Variants in NR2E1 observed in about 807,000 individuals in gnomAD.
The protein encoded by NR2E1 is nuclear receptor subfamily 2 group E member 1.
A neutral mutation model predicts 43.6 loss-of-function variants in NR2E1; 5 were observed. The observed-to-expected ratio is 0.11, with a 90% CI of 0.06 to 0.24. The LOEUF is 0.24. Ranked by LOEUF, NR2E1 falls within the 10% of genes least tolerant of loss-of-function variation. The pLI, the probability that NR2E1 is intolerant of heterozygous loss-of-function variation, is 1.00. For synonymous variants in NR2E1, 191 were observed against 195.5 expected, an observed-to-expected ratio of 0.98 and a Z score of 0.19; for missense variants, 287 against 496.7, an observed-to-expected ratio of 0.58 and a Z score of 4.01.
rs1415195554 is a variant in NR2E1 at position 108,166,925 on chromosome 6, G to A, written c.25+135G>A. The stretch of plus-strand genomic sequence containing the variant: ...GGGATTCCAGCGGGCGTGTGCGTTC[G>A]GCCCAGACCTGTAGACCGTGAGTTG... On this transcript the variant is annotated intron_variant, in intron 1 of 8. Coordinates refer to ENST00000368986, the MANE Select transcript of NR2E1 (RefSeq NM_003269.5). The surrounding 1 kb of genome is among the most constrained non-coding windows in gnomAD (Gnocchi z 7.2). The A allele has an allele frequency of 9.5e-6, 9 of 945,468 alleles. No individual in the cohort carries two copies. In the Admixed American group the frequency reaches 1.8e-4, roughly 19 times the overall value. 58.6% of individuals were successfully genotyped at this position (945,468 alleles called of 1,614,324 possible).
intron 4 of NR2E1, among the ~76,000 whole-genome samples, chr6:108,177,052 G>T (rs1291046033): frequency 6.6e-6 from 1 of 152,196 alleles, no homozygotes; most frequent in Non-Finnish European, 1.5e-5. Flanking sequence ...ACACCCACTG[G>T]TAATGGGTGG....
intron 3 of NR2E1, among the ~76,000 whole-genome samples, chr6:108,175,279 G>A (rs1413589904): frequency 6.6e-6 from 1 of 152,242 alleles, no homozygotes; most frequent in Non-Finnish European, 1.5e-5. Context: ...AAGCCTGCTA[G>A]CCTGCCCCAG....
chr6:108,174,811 G>T, intron 2 of NR2E1, 25 bp from the exon 3 acceptor site: 1 of 1,607,156 alleles, frequency 6.2e-7, no homozygotes, highest in Middle Eastern at 1.7e-4. Flanking sequence ...CCTGGGGACC[G>T]CTGACCTCCT....
chr6:108,181,584 A>C lies in NR2E1; in HGVS notation c.928A>C (p.Asn310His). 6.2e-7 allele frequency: 1 copy of C among 1,614,186 alleles called. No individual in the cohort carries two copies. Among genetic ancestry groups the C allele is most frequent in the Non-Finnish European group, 8.5e-7 (1 of 1,180,024 alleles). ...HSGSELRSFR[N>H]AAAIAALQDE... ...TGGTTCTGAACTGAGAAGTTTCCGG[A>C]ATGCTGCCGCCATTGCAGCCCTTCA... The change falls in exon 8 of 9, where the codon AAT becomes CAT. Residue 310 changes from asparagine (N) to histidine (H), a missense_variant. By Grantham distance (68) the Asn-to-His change is moderately conservative (BLOSUM62 1). Coordinates refer to ENST00000368986, the MANE Select transcript of NR2E1 (RefSeq NM_003269.5).
chr6:108,176,348 T>C (rs1773896563), intron 3 of NR2E1, 155 bp from the exon 4 acceptor site: 5 of 660,884 alleles, frequency 7.6e-6, no homozygotes, highest in South Asian at 1.8e-5. Flanking sequence ...CAGAATCCCT[T>C]CCTCCCTCAG....
At chr6:108,183,148 C>T (rs1449171126) in intron 8 of NR2E1, among the ~76,000 whole-genome samples, 1 of 152,148 alleles carries the variant, frequency 6.6e-6, no homozygotes, top group African/African-American at 2.4e-5. Flanking sequence ...TAGGAACTCT[C>T]AGAGACTGGG....
At chr6:108,175,431 C>T (rs1230564072) in intron 3 of NR2E1, among the ~76,000 whole-genome samples, 1 of 152,248 alleles carries the variant, frequency 6.6e-6, no homozygotes, top group African/African-American at 2.4e-5. Context: ...AAAATCAGTA[C>T]GGCCATTGGG....
Position 108,176,675 on chromosome 6 carries a change from G to A in NR2E1, c.432G>A (p.Leu144=). ...AGCTGGAGCCGCACGGCCTGGAGCT[G>A]GCCGCGGTGTCCACCACTCCAGAGC... is the stretch of plus-strand genomic sequence containing the variant. ...VTQLEPHGLE[L]AAVSTTPERQ... The change falls in exon 4 of 9, where the codon CTG becomes CTA. Residue 144 remains leucine (L), a synonymous_variant. Coordinates refer to ENST00000368986, the MANE Select transcript of NR2E1 (RefSeq NM_003269.5). The A allele has an allele frequency of 6.2e-7, 1 of 1,601,292 alleles. No individual in the cohort carries two copies.
In NR2E1 at chr6:108,169,818, G is replaced by T. The variant is rs534784332; in HGVS notation, c.26-1640G>T. ...CGAGCCGGTGGCCGCCGCGCCGCGC[G>T]CCTCCCCTGCCCGCCTTTGTCGCCG... On this transcript the variant is annotated intron_variant, in intron 1 of 8. Coordinates refer to ENST00000368986, the MANE Select transcript of NR2E1 (RefSeq NM_003269.5). The surrounding 1 kb of genome is among the most constrained non-coding windows in gnomAD (Gnocchi z 6.1). Among the ~76,000 whole-genome samples, 9 of 151,724 alleles carry T rather than the reference G, an allele frequency of 5.9e-5. No individual in the cohort carries two copies. The South Asian group carries it at 1.9e-3, about 32-fold the overall frequency.
chr6:108,170,349 T>G (rs1276598704), intron 1 of NR2E1, among the ~76,000 whole-genome samples: 1 of 152,208 alleles, frequency 6.6e-6, no homozygotes, highest in Non-Finnish European at 1.5e-5. Flanking sequence ...GTTAACAGTT[T>G]AATACTCCCT....
chr6:108,187,473 A>T lies in NR2E1; in HGVS notation c.*10A>T. On this transcript the variant is annotated 3_prime_UTR_variant, in exon 9 of 9. Transcript: ENST00000368986. Reference sequence around the variant, plus strand: ...ATCCAGTGATATCTAAGCTCACAAGATACCCACTTTTCAGGATGGGACAGT... The same window carrying T: ...ATCCAGTGATATCTAAGCTCACAAGTTACCCACTTTTCAGGATGGGACAGT... 1 of 1,614,030 alleles carries T rather than the reference A, an allele frequency of 6.2e-7. No individual in the cohort carries two copies. Among genetic ancestry groups the T allele is most frequent in the Non-Finnish European group, 8.5e-7 (1 of 1,179,938 alleles).
intron 3 of NR2E1, among the ~76,000 whole-genome samples, chr6:108,175,896 G>C (rs1303073429): frequency 6.6e-6 from 1 of 152,268 alleles, no homozygotes; most frequent in Non-Finnish European, 1.5e-5. Flanking sequence ...TAAACTGTTG[G>C]TGGTAATTGT....
At chr6:108,172,276 G>A (rs1773826303) in intron 2 of NR2E1, among the ~76,000 whole-genome samples, 1 of 152,210 alleles carries the variant, frequency 6.6e-6, no homozygotes, top group Non-Finnish European at 1.5e-5. Flanking sequence ...AGGAAGAAGA[G>A]AAGATTCAAA....
chr6:108,186,451 G>A (rs1303142652), intron 8 of NR2E1, among the ~76,000 whole-genome samples: 1 of 152,200 alleles, frequency 6.6e-6, no homozygotes, highest in Non-Finnish European at 1.5e-5. Context: ...TTAGCTTCTA[G>A]CACCTTGTGG....
At chr6:108,179,144 G>A (rs1027883928) in intron 5 of NR2E1, 4 of 152,090 alleles carry the variant, frequency 2.6e-5, no homozygotes, top group Non-Finnish European at 5.9e-5. Context: ...TGTTTCCTAC[G>A]GAAAGATCGG....
At chr6:108,182,463 A>G (rs1033524952) in intron 8 of NR2E1, among the ~76,000 whole-genome samples, 4 of 151,678 alleles carry the variant, frequency 2.6e-5, no homozygotes, top group African/African-American at 9.7e-5. Flanking sequence ...AGCATGGCTC[A>G]CTGCAGCCTT....
At chr6:108,171,624 C>G (rs560309420) in intron 2 of NR2E1, 21 bp downstream of exon 2, 1 of 1,613,752 alleles carries the variant, frequency 6.2e-7, no homozygotes, top group Non-Finnish European at 8.5e-7. Flanking sequence ...CAGGGCTGCA[C>G]TGCTGGGCTC....
At chr6:108,174,569 C>A (rs542258906) in intron 2 of NR2E1, among the ~76,000 whole-genome samples, 8 of 152,134 alleles carry the variant, frequency 5.3e-5, no homozygotes, top group African/African-American at 1.9e-4. Flanking sequence ...CTAAGCTTCA[C>A]CTGCTTGGAG....
At chr6:108,176,349 C>T (rs1380724999) in intron 3 of NR2E1, 154 bp from the exon 4 acceptor site, 5 of 661,970 alleles carry the variant, frequency 7.6e-6, no homozygotes, top group African/African-American at 5.4e-5. Context: ...AGAATCCCTT[C>T]CTCCCTCAGA....
Sources: allele counts gnomAD v4.1 joint callset (sites outside exome capture counted in the v4.1 genomes callset), GRCh38; gene constraint gnomAD v4.1.1; non-coding constraint Gnocchi (gnomAD v3.1); transcripts MANE v1.5; gene names NCBI Gene and HGNC (gene_info 2026-07-23, HGNC 2026-07-21).